Variants in SHOC2 observed in about 807,000 individuals in gnomAD.
SHOC2 encodes the protein SHOC2 leucine rich repeat scaffold protein, also known as leucine-rich repeat protein SHOC-2.
SHOC2 carries 4 observed loss-of-function variants against 50.2 expected under a neutral mutation model. The observed-to-expected ratio is 0.08, with a 90% CI of 0.04 to 0.18. The LOEUF is 0.18. Ranked by LOEUF, SHOC2 falls within the 10% of genes least tolerant of loss-of-function variation. The probability of loss-of-function intolerance (pLI) is 1.00; values close to 1 mark genes in which losing one functional copy is unlikely to be tolerated. For synonymous variants in SHOC2, 218 were observed against 244.5 expected (o/e 0.89, Z 1.01); for missense variants, 388 against 669.6 (o/e 0.58, Z 4.64).
At chr10:110,994,781 T>C (rs1848242006) in intron 3 of SHOC2, among the ~76,000 whole-genome samples, 1 of 151,998 alleles carries the variant, frequency 6.6e-6, no homozygotes, top group South Asian at 2.1e-4. Context: ...CTAAGGAAAA[T>C]AGGAAGATAC....
chr10:111,012,432 T>G lies in SHOC2; in HGVS notation c.*614T>G, dbSNP rs886046732. The G allele has an allele frequency of 3.3e-5, 5 of 151,872 alleles. No individual in the cohort carries two copies. Among genetic ancestry groups the G allele is most frequent in the Non-Finnish European group, 7.4e-5 (5 of 67,986 alleles). 9.4% of individuals were successfully genotyped at this position (151,872 alleles called of 1,614,324 possible). On this transcript the variant is annotated 3_prime_UTR_variant, in exon 9 of 9. Coordinates refer to ENST00000369452, the MANE Select transcript of SHOC2 (RefSeq NM_007373.4). Reference sequence around the variant, plus strand: ...TAAACAGTGAAAGGTATTTGCTTGTTGAAAAAAAAAACTGGCAAAGTGAAA... The same window carrying G: ...TAAACAGTGAAAGGTATTTGCTTGTGGAAAAAAAAAACTGGCAAAGTGAAA...
At chr10:110,943,083 C>T (rs947688042) in intron 1 of SHOC2, among the ~76,000 whole-genome samples, 1 of 152,110 alleles carries the variant, frequency 6.6e-6, no homozygotes, top group African/African-American at 2.4e-5. Context: ...AATTTATCTT[C>T]CTCGGAGTTT....
In SHOC2 at chr10:110,931,184, T is replaced by C. The variant is rs984208987; in HGVS notation, c.-235+11527T>C. 2.6e-5 allele frequency among the ~76,000 whole-genome samples: 4 copies of C among 152,154 alleles called. No individual in the cohort carries two copies. In the East Asian group the frequency reaches 7.7e-4, roughly 29 times the overall value. On this transcript the variant is annotated intron_variant, in intron 1 of 8. Transcript: ENST00000369452. The stretch of plus-strand genomic sequence containing the variant: ...CTTCCTTACCAAGGAGGGAAAAAGT[T>C]GAATGAATGAATTTGAAGATGCTAT...
rs892253391 is a variant in SHOC2, at chr10:110,956,812, CT to C, written c.-234-7302del. Among the ~76,000 whole-genome samples, 1,026 of 144,620 alleles carry C rather than the reference CT, an allele frequency of 7.1e-3. 27 individuals carry two copies. In the South Asian group the frequency reaches 0.097, roughly 14 times the overall value. 94.9% of individuals were successfully genotyped at this position (144,620 alleles called of 152,430 possible). A position where few individuals can be genotyped will look rare whatever the true frequency, so the allele number is the denominator to read the frequency against. On this transcript the variant is annotated intron_variant, in intron 1 of 8. Transcript: ENST00000369452. ...AAATGATTGGGCCCTAGGAAAAATCCTTTTTTTTTTTAAATAACAAAGTATT... is the reference window on the plus strand; with the variant it reads ...AAATGATTGGGCCCTAGGAAAAATCCTTTTTTTTTTAAATAACAAAGTATT...
chr10:110,997,455 ATT>A (rs1175444709), intron 3 of SHOC2, among the ~76,000 whole-genome samples: 1 of 152,088 alleles, frequency 6.6e-6, no homozygotes, highest in Non-Finnish European at 1.5e-5. Context: ...GTTTTGATAC[ATT>A]TTCTTTCCCT....
At chr10:110,981,799 C>T (rs968222768) in intron 2 of SHOC2, among the ~76,000 whole-genome samples, 12 of 151,558 alleles carry the variant, frequency 7.9e-5, no homozygotes, top group Non-Finnish European at 1.5e-4. Flanking sequence ...TAATCATTCT[C>T]GGTCATGATG....
At chr10:110,958,531 A>G (rs552695035) in intron 1 of SHOC2, among the ~76,000 whole-genome samples, 5 of 152,102 alleles carry the variant, frequency 3.3e-5, no homozygotes, top group Admixed American at 1.3e-4. Context: ...ATTTCTAAAT[A>G]TTTATCTTCC....
At chr10:110,988,778 C>T in intron 3 of SHOC2, 28 of 277,592 alleles carry the variant, frequency 1.0e-4, no homozygotes, top group South Asian at 2.9e-4. Flanking sequence ...AATTTGAGAC[C>T]TTTCTATTAT....
intron 1 of SHOC2, among the ~76,000 whole-genome samples, chr10:110,920,745 T>G (rs1846622998): frequency 6.6e-6 from 1 of 152,232 alleles, no homozygotes; most frequent in African/African-American, 2.4e-5. Flanking sequence ...AGCACTGTTT[T>G]GCAACCTACC....
chr10:111,010,024 A>G (rs1325214229), intron 8 of SHOC2, among the ~76,000 whole-genome samples, 194 bp downstream of exon 8: 3 of 151,968 alleles, frequency 2.0e-5, no homozygotes, highest in Non-Finnish European at 4.4e-5. Context: ...GGCTGTTAGG[A>G]TTGGTTTTAA....
chr10:110,954,361 C>T (rs1446798046), intron 1 of SHOC2, among the ~76,000 whole-genome samples: 1 of 152,084 alleles, frequency 6.6e-6, no homozygotes. Context: ...ACTTGGTCAT[C>T]TAGAATCATC....
intron 1 of SHOC2, among the ~76,000 whole-genome samples, chr10:110,928,908 T>A (rs1846832520): frequency 6.6e-6 from 1 of 152,156 alleles, no homozygotes; most frequent in Non-Finnish European, 1.5e-5. Flanking sequence ...AAAAGTCAGC[T>A]GTATAACTCC....
intron 1 of SHOC2, among the ~76,000 whole-genome samples, chr10:110,949,095 A>G (rs1414191240): frequency 1.3e-5 from 2 of 152,168 alleles, no homozygotes; most frequent in Non-Finnish European, 2.9e-5. Flanking sequence ...AAGGAAAGGA[A>G]TAATAAAGAT....
intron 1 of SHOC2, among the ~76,000 whole-genome samples, chr10:110,944,249 C>T (rs1311890141): frequency 2.0e-5 from 3 of 151,800 alleles, no homozygotes; most frequent in African/African-American, 7.3e-5. Flanking sequence ...GAAGTTGGTA[C>T]TTATCCAGGC....
At chr10:110,974,392 G>GT (rs1298115426) in intron 2 of SHOC2, among the ~76,000 whole-genome samples, 1 of 151,712 alleles carries the variant, frequency 6.6e-6, no homozygotes, top group Non-Finnish European at 1.5e-5. Flanking sequence ...ATATTCTGTT[G>GT]TTTTTTGGAG....
intron 1 of SHOC2, among the ~76,000 whole-genome samples, chr10:110,947,123 A>G (rs1454964770): frequency 6.6e-6 from 1 of 152,186 alleles, no homozygotes; most frequent in Admixed American, 6.5e-5. Context: ...GCAGCACAGT[A>G]TGGAGATAGA....
chr10:110,980,462 TTCAC>T (rs1847955603), intron 2 of SHOC2, among the ~76,000 whole-genome samples: 3 of 152,180 alleles, frequency 2.0e-5, no homozygotes, highest in Non-Finnish European at 4.4e-5. Flanking sequence ...AGGCCTGTTG[TTCAC>T]TCACTTACTT....
chr10:110,977,735 T>G (rs1268152777), intron 2 of SHOC2, among the ~76,000 whole-genome samples: 7 of 152,236 alleles, frequency 4.6e-5, no homozygotes, highest in Non-Finnish European at 1.0e-4. Flanking sequence ...TAGCCTTTTG[T>G]CTACATCTAA....
At chr10:110,949,613 A>G (rs995959678) in intron 1 of SHOC2, among the ~76,000 whole-genome samples, 5 of 152,126 alleles carry the variant, frequency 3.3e-5, no homozygotes, top group African/African-American at 1.2e-4. Context: ...ACCAAAGCCA[A>G]ACAAGGACAC....
Sources: gnomAD v4.1 joint callset for allele counts (sites outside exome capture counted in the v4.1 genomes callset) on GRCh38, gnomAD v4.1.1 for gene constraint, MANE v1.5 for transcripts, NCBI Gene and HGNC (gene_info 2026-07-23, HGNC 2026-07-21) for gene names.